Variants in PDHX observed in about 807,000 individuals in gnomAD.
The protein encoded by PDHX is pyruvate dehydrogenase complex component X.
Under a neutral mutation model 55.3 loss-of-function variants are expected in PDHX, and 33 were observed. That is an observed-to-expected ratio of 0.60 (90% confidence interval 0.45 to 0.80). PDHX has a LOEUF of 0.80. Among genes scored for constraint, PDHX ranks in the 30% least tolerant of loss-of-function variants. The pLI is 0.00. For missense variants in PDHX, 622 were observed against 619.9 expected (o/e 1.00, Z -0.04); for synonymous variants, 226 against 219.4 (o/e 1.03, Z -0.27).
upstream of PDHX, chr11:34,916,457 T>A: frequency 6.8e-7 from 1 of 1,461,886 alleles, no homozygotes; most frequent in Non-Finnish European, 9.0e-7. Flanking sequence ...CCGGCTGAGA[T>A]ATCCAGCGGC....
At chr11:34,980,680 T>C (rs1224661560) in intron 8 of PDHX, among the ~76,000 whole-genome samples, 1 of 151,894 alleles carries the variant, frequency 6.6e-6, no homozygotes, top group African/African-American at 2.4e-5. Context: ...GATGGAAAAA[T>C]GGAAGAGCAA....
chr11:34,936,538 G>C (rs1004795240), intron 2 of PDHX, among the ~76,000 whole-genome samples: 2 of 152,120 alleles, frequency 1.3e-5, no homozygotes, highest in African/African-American at 4.8e-5. Context: ...TAAAAATAAT[G>C]AGAAGGACAT....
At chr11:34,932,945 GA>G (rs2133948012) in intron 2 of PDHX, among the ~76,000 whole-genome samples, 1 of 152,096 alleles carries the variant, frequency 6.6e-6, no homozygotes, top group Non-Finnish European at 1.5e-5. Flanking sequence ...GATCTTCATT[GA>G]AAAAAAGCAA....
intron 3 of PDHX, among the ~76,000 whole-genome samples, chr11:34,952,253 C>T (rs1286022913): frequency 6.6e-6 from 1 of 151,932 alleles, no homozygotes; most frequent in Non-Finnish European, 1.5e-5. Context: ...CCAAATTCTA[C>T]CAGAGGTACA....
intron 2 of PDHX, among the ~76,000 whole-genome samples, chr11:34,946,482 G>C (rs534553879): frequency 1.3e-5 from 2 of 152,124 alleles, no homozygotes; most frequent in Non-Finnish European, 2.9e-5. Context: ...GAACTTTCTT[G>C]TGCAATTTAC....
intron 7 of PDHX, among the ~76,000 whole-genome samples, chr11:34,975,128 C>T (rs959907387): frequency 6.6e-6 from 1 of 152,036 alleles, no homozygotes; most frequent in Non-Finnish European, 1.5e-5. Context: ...TGTCTGCTGC[C>T]GTTCTTAATA....
chr11:34,968,914 T>C (rs1481189540), intron 6 of PDHX, among the ~76,000 whole-genome samples: 1 of 152,232 alleles, frequency 6.6e-6, no homozygotes, highest in Non-Finnish European at 1.5e-5. Context: ...TGGTGGATGT[T>C]CCATGTGTAC....
intron 9 of PDHX, among the ~76,000 whole-genome samples, chr11:34,989,777 T>G (rs1855722747): frequency 1.3e-5 from 2 of 152,190 alleles, no homozygotes; most frequent in Non-Finnish European, 1.5e-5. Context: ...TTCATATGGT[T>G]TATTAGTCTT....
chr11:34,982,940 T>C (rs191352468), intron 8 of PDHX, among the ~76,000 whole-genome samples: 5 of 152,296 alleles, frequency 3.3e-5, no homozygotes, highest in East Asian at 3.9e-4. Context: ...AGCATCATCC[T>C]GATACCAAAG....
intron 1 of PDHX, among the ~76,000 whole-genome samples, chr11:34,920,583 T>C (rs1384454406): frequency 6.6e-6 from 1 of 152,184 alleles, no homozygotes; most frequent in Non-Finnish European, 1.5e-5. Flanking sequence ...CTCTTTAAAA[T>C]TGATAGTTAA....
At chr11:34,956,007 C>G (rs1854899528) in intron 3 of PDHX, among the ~76,000 whole-genome samples, 1 of 151,934 alleles carries the variant, frequency 6.6e-6, no homozygotes. Context: ...TAATTAAACA[C>G]TTTTAGAAGA....
At chr11:34,949,163 A>G (rs1431297423) in intron 3 of PDHX, among the ~76,000 whole-genome samples, 1 of 152,170 alleles carries the variant, frequency 6.6e-6, no homozygotes, top group Non-Finnish European at 1.5e-5. Context: ...CTTTTTGGAT[A>G]ATATTTGGGA....
At chr11:34,923,056 G>A (rs1201265919) in intron 1 of PDHX, among the ~76,000 whole-genome samples, 4 of 152,128 alleles carry the variant, frequency 2.6e-5, no homozygotes, top group African/African-American at 9.6e-5. Context: ...AAAATGTTTG[G>A]TTTATTTCAT....
intron 8 of PDHX, 104 bp downstream of exon 8, chr11:34,978,286 A>T (rs1855424893): frequency 1.4e-6 from 1 of 740,384 alleles, no homozygotes; most frequent in African/African-American, 1.7e-5. Context: ...CAAAAATTTT[A>T]TAATTGTCTT....
chr11:34,940,034 CTG>C lies in PDHX; in HGVS notation c.242-7470_242-7469del, dbSNP rs746188460. 9.2e-5 allele frequency among the ~76,000 whole-genome samples: 14 copies of C among 152,272 alleles called. No individual in the cohort carries two copies. In the Middle Eastern group the frequency reaches 0.017, roughly 185 times the overall value. ...TTTTTCATCAATTGAACTGTCAAAT[CTG>C]TTAAAATAACAGAAAGGAAAAAAAA... On this transcript the variant is annotated intron_variant, in intron 2 of 10. Transcript: ENST00000227868.
rs1312782421 is a variant in PDHX, at chr11:34,978,153, A to C, written c.994A>C (p.Ile332Leu). Reference sequence around the variant, plus strand: ...CATTAAAGTATCAGTAAATGATTTTATCATCAAGGCAGCAGCTGTTACCCT... The same window carrying C: ...CATTAAAGTATCAGTAAATGATTTTCTCATCAAGGCAGCAGCTGTTACCCT... ...DDIKVSVNDF[I>L]IKAAAVTLKQ... is the part of the protein sequence containing the mutation. Residue 332 changes from isoleucine to leucine, a missense_variant, in exon 8 of 11, where the codon ATC becomes CTC. Physicochemically the swap from Ile to Leu is conservative, Grantham distance 5 (BLOSUM62 2). Transcript: ENST00000227868. The C allele has an allele frequency of 6.4e-7, 1 of 1,574,394 alleles. No homozygotes were observed. The highest frequency in any genetic ancestry group is 1.7e-5 in the Admixed American group (1 of 59,834).
chr11:34,992,245 ATAT>A, intron 9 of PDHX, 67 bp from the exon 10 acceptor site: 1 of 870,354 alleles, frequency 1.1e-6, no homozygotes, highest in Non-Finnish European at 2.0e-6. Flanking sequence ...TGATGTACAA[ATAT>A]TTCAAGTGAC....
intron 2 of PDHX, among the ~76,000 whole-genome samples, chr11:34,934,873 C>A (rs1854272093): frequency 6.6e-6 from 1 of 151,486 alleles, no homozygotes; most frequent in Non-Finnish European, 1.5e-5. Flanking sequence ...GCCACCGCAC[C>A]CAGCATAGGA....
chr11:34,971,053 G>A (rs1214193806), intron 7 of PDHX, among the ~76,000 whole-genome samples: 1 of 152,078 alleles, frequency 6.6e-6, no homozygotes, highest in African/African-American at 2.4e-5. Flanking sequence ...AAACAAAGCA[G>A]TCAATATTTC....
Sources: gnomAD v4.1 joint callset for allele counts (sites outside exome capture counted in the v4.1 genomes callset) on GRCh38, gnomAD v4.1.1 for gene constraint, MANE v1.5 for transcripts, NCBI Gene and HGNC (gene_info 2026-07-23, HGNC 2026-07-21) for gene names.